Variants in MAOB observed in about 807,000 individuals in gnomAD.
MAOB encodes amine oxidase [flavin-containing] B.
A neutral mutation model predicts 41.9 loss-of-function variants in MAOB; 15 were observed. The observed-to-expected ratio is 0.36, with a 90% CI of 0.24 to 0.55. The LOEUF (loss-of-function observed/expected upper bound fraction) is 0.55. Among genes scored for constraint, MAOB ranks in the 20% least tolerant of loss-of-function variants. The probability of loss-of-function intolerance (pLI) is 0.86; values close to 1 mark genes in which losing one functional copy is unlikely to be tolerated. For missense variants in MAOB, 345 were observed against 398.7 expected (o/e 0.87, Z 1.15); for synonymous variants, 167 against 144.2 (o/e 1.16, Z -1.13).
In MAOB at chrX:43,802,250, G is replaced by C; in HGVS notation, c.398C>G (p.Ala133Gly). The change falls in exon 5 of 15, where the codon GCC (alanine) becomes GGC (glycine). Residue 133 changes from alanine (A) to glycine (G), a missense_variant. Ala to Gly is a moderately conservative substitution (Grantham distance 60). Coordinates refer to ENST00000378069, the MANE Select transcript of MAOB (RefSeq NM_000898.5). ...DDMGREIPSD[A>G]PWKAPLAEEW... ...TTCTGCAAGGGGAGCCTTCCATGGGGCATCACTCGGAATCTACATTCAGAT... is the reference window on the plus strand; with the variant it reads ...TTCTGCAAGGGGAGCCTTCCATGGGCCATCACTCGGAATCTACATTCAGAT... The C allele has an allele frequency of 2.5e-6, 3 of 1,186,642 alleles. No homozygotes were observed. Among genetic ancestry groups the C allele is most frequent in the Non-Finnish European group, 3.4e-6 (3 of 874,497 alleles).
At chrX:43,773,587 C>T (rs2034214382) in intron 12 of MAOB, among the ~76,000 whole-genome samples, 1 of 112,632 alleles carries the variant, frequency 8.9e-6, no homozygotes, top group African/African-American at 3.2e-5. Flanking sequence ...TGTGTCCCCA[C>T]TCAAATCTCA....
rs375609221 is a variant in MAOB, at chrX:43,797,135, T to C, written c.608A>G (p.Asn203Ser). The C allele has an allele frequency of 8.3e-7, 1 of 1,206,220 alleles. No individual in the cohort carries two copies. The highest frequency in any genetic ancestry group is 1.8e-5 in the African/African-American group (1 of 56,956). The change falls in exon 6 of 15, where the codon AAT (asparagine) becomes AGT (serine). Residue 203 changes from asparagine to serine, a missense_variant. Physicochemically the swap from Asn to Ser is conservative, Grantham distance 46. Transcript: ENST00000378069. ...AGAATGGATGGGTACCTGTCCTCCATTTGTTGTCGAGATGATTCTTGTTGT... is the reference window on the plus strand; with the variant it reads ...AGAATGGATGGGTACCTGTCCTCCACTTGTTGTCGAGATGATTCTTGTTGT... ...GGTTRIISTT[N>S]GGQERKFVGG...
intron 1 of MAOB, among the ~76,000 whole-genome samples, chrX:43,850,815 AC>A (rs983599035): frequency 1.8e-5 from 2 of 112,122 alleles, no homozygotes; most frequent in Non-Finnish European, 3.8e-5. Context: ...AAGATAAAAA[AC>A]ATCAAGCTTT....
At chrX:43,810,135 C>T (rs931591641) in intron 3 of MAOB, among the ~76,000 whole-genome samples, 6 of 96,104 alleles carry the variant, frequency 6.2e-5, no homozygotes, top group Admixed American at 2.3e-4. Context: ...CCCAGCTACT[C>T]GGGAGGCTGA....
chrX:43,786,513 C>T (rs1254417587), intron 8 of MAOB, among the ~76,000 whole-genome samples: 2 of 111,682 alleles, frequency 1.8e-5, no homozygotes, highest in Non-Finnish European at 3.8e-5. Context: ...GTCCTTCAGG[C>T]ATGCTGGGGC....
At chrX:43,841,051 T>TA (rs1323012715) in intron 2 of MAOB, among the ~76,000 whole-genome samples, 4 of 110,179 alleles carry the variant, frequency 3.6e-5, no homozygotes, top group East Asian at 2.8e-4. Context: ...AAGTATAATT[T>TA]AAAAAAAAGA....
At chrX:43,856,924 A>G (rs2035292816) in intron 1 of MAOB, among the ~76,000 whole-genome samples, 1 of 99,116 alleles carries the variant, frequency 1.0e-5, no homozygotes, top group Non-Finnish European at 2.0e-5. Flanking sequence ...CTTTCACATT[A>G]TTTTCTCTTG....
intron 8 of MAOB, among the ~76,000 whole-genome samples, chrX:43,791,671 C>T (rs763323940): frequency 2.2e-4 from 24 of 110,457 alleles, no homozygotes; most frequent in African/African-American, 7.2e-4. Flanking sequence ...GCAGGTGAAT[C>T]GCTTAAACCC....
chrX:43,853,493 G>C (rs190421288), intron 1 of MAOB, among the ~76,000 whole-genome samples: 272 of 110,850 alleles, frequency 2.5e-3, no homozygotes, highest in Admixed American at 6.2e-3. Context: ...GTAAATTTGG[G>C]TAGCATGGTG....
intron 11 of MAOB, among the ~76,000 whole-genome samples, chrX:43,777,566 C>A (rs1569209801): frequency 9.0e-6 from 1 of 111,206 alleles, no homozygotes; most frequent in Non-Finnish European, 1.9e-5. Context: ...AAATAGTGAA[C>A]AAAAATGACA....
chrX:43,787,786 G>A (rs1601973445), intron 8 of MAOB, among the ~76,000 whole-genome samples: 1 of 111,653 alleles, frequency 9.0e-6, no homozygotes, highest in African/African-American at 3.3e-5. Flanking sequence ...ACAACAAATC[G>A]TTAAAAACTG....
intron 8 of MAOB, among the ~76,000 whole-genome samples, chrX:43,788,359 T>C (rs1475028086): frequency 9.0e-6 from 1 of 111,469 alleles, no homozygotes; most frequent in Non-Finnish European, 1.9e-5. Context: ...AATTTCAACA[T>C]GAGATTTGGA....
chrX:43,822,484 A>C (rs1369798719), intron 3 of MAOB, among the ~76,000 whole-genome samples: 2 of 111,601 alleles, frequency 1.8e-5, no homozygotes, highest in Non-Finnish European at 3.8e-5. Flanking sequence ...ACTAGTCGAG[A>C]GATGACACAG....
intron 3 of MAOB, among the ~76,000 whole-genome samples, chrX:43,817,854 T>TTTATAGCAAC (rs2034837182): frequency 8.9e-6 from 1 of 112,306 alleles, no homozygotes; most frequent in East Asian, 2.8e-4. Context: ...CCTTTATTAT[T>TTTATAGCAAC]CTTCATAGCA....
intron 12 of MAOB, among the ~76,000 whole-genome samples, chrX:43,773,697 G>T (rs2283727): frequency 0.038 from 4,273 of 111,730 alleles, 170 homozygotes; most frequent in South Asian, 0.18. Flanking sequence ...TGGTGATAAT[G>T]AATGGATCTC....
At chrX:43,771,314 T>C (rs912951594) in intron 12 of MAOB, among the ~76,000 whole-genome samples, 2 of 112,199 alleles carry the variant, frequency 1.8e-5, no homozygotes, top group African/African-American at 6.5e-5. Flanking sequence ...TAAAATACGC[T>C]TTCTGTTAGA....
intron 3 of MAOB, among the ~76,000 whole-genome samples, chrX:43,806,260 C>T (rs891841977): frequency 1.8e-5 from 2 of 111,822 alleles, no homozygotes; most frequent in Non-Finnish European, 3.8e-5. Context: ...ATCCAGGATA[C>T]CACATTTCAT....
intron 1 of MAOB, among the ~76,000 whole-genome samples, chrX:43,881,988 C>G (rs1008952252): frequency 1.2e-4 from 14 of 112,546 alleles, no homozygotes; most frequent in Admixed American, 1.2e-3. Context: ...GGCCTAGCAG[C>G]CTTCTGGGGG....
intron 1 of MAOB, among the ~76,000 whole-genome samples, chrX:43,844,301 ACT>A (rs959242639): frequency 8.9e-6 from 1 of 111,962 alleles, no homozygotes; most frequent in African/African-American, 3.2e-5. Flanking sequence ...ATGACCCATC[ACT>A]GAAGAATGAA....
Sources: allele counts gnomAD v4.1 joint callset (sites outside exome capture counted in the v4.1 genomes callset), GRCh38; gene constraint gnomAD v4.1.1; transcripts MANE v1.5; gene names NCBI Gene and HGNC (gene_info 2026-07-23, HGNC 2026-07-21).